EEFSEC: variants seen among roughly 807,000 people sequenced by gnomAD.
The protein encoded by EEFSEC is selenocysteine-specific elongation factor.
A neutral mutation model predicts 42.1 loss-of-function variants in EEFSEC; 43 were observed. The observed-to-expected ratio is 1.02, with a 90% CI of 0.80 to 1.32. The LOEUF (loss-of-function observed/expected upper bound fraction) is 1.32, where lower values mean the gene tolerates loss of function less well. EEFSEC is among the 40% of genes most tolerant of loss of function. The pLI is 0.00. For missense variants in EEFSEC, 745 were observed against 803.6 expected (o/e 0.93, Z 0.88); for synonymous variants, 354 against 339.1 (o/e 1.04, Z -0.48).
chr3:128,386,480 T>TGGG lies in EEFSEC; in HGVS notation c.1601-21582_1601-21580dup, dbSNP rs373890750. Reference sequence around the variant, plus strand: ...ATATGGTATCAGCTGAGACAGGCAGTGGGGGGGGGATGCAGTGACAGGTGA... The same window carrying TGGG: ...ATATGGTATCAGCTGAGACAGGCAGTGGGGGGGGGGGGATGCAGTGACAGGTGA... On this transcript the variant is annotated intron_variant, in intron 6 of 6. Transcript: ENST00000254730. Among the ~76,000 whole-genome samples the TGGG allele has an allele frequency of 9.3e-3, 1,371 of 148,204 alleles. 28 individuals are homozygous for TGGG. Among genetic ancestry groups the TGGG allele is most frequent in the African/African-American group, 0.032 (1,281 of 39,914 alleles).
chr3:128,249,757 G>A (rs1192955212), intron 2 of EEFSEC, among the ~76,000 whole-genome samples: 1 of 152,164 alleles, frequency 6.6e-6, no homozygotes, highest in Admixed American at 6.5e-5. Context: ...TGTAACATGT[G>A]TCAGAATTTC....
At position 128,295,451 on chromosome 3, in the gene EEFSEC, C is replaced by CTT. The variant is rs201911929; in HGVS notation, c.786+30692_786+30693dup. 9.2e-4 allele frequency among the ~76,000 whole-genome samples: 59 copies of CTT among 63,996 alleles called. 15 individuals carry two copies. The highest frequency in any genetic ancestry group is 4.9e-3 in the South Asian group (7 of 1,428). 42.0% of individuals were successfully genotyped at this position (63,996 alleles called of 152,430 possible). A position where few individuals can be genotyped will look rare whatever the true frequency, so the allele number is the denominator to read the frequency against. ...AGGCATTTTTCTGTACTTCCCCCTA[C>CTT]TTTTTTTTTTTTTTTTTTTTTTTGC... On this transcript the variant is annotated intron_variant, in intron 4 of 6. Coordinates refer to ENST00000254730, the MANE Select transcript of EEFSEC (RefSeq NM_021937.5).
At chr3:128,408,911 G>A (rs771891680), downstream of EEFSEC, among the ~76,000 whole-genome samples, 1 of 152,184 alleles carries the variant, frequency 6.6e-6, no homozygotes, top group African/African-American at 2.4e-5. Context: ...GGGAAGTTGG[G>A]GAATAGCAGG....
At chr3:128,170,328 G>A (rs3931411) in intron 1 of EEFSEC, among the ~76,000 whole-genome samples, 6,667 of 152,192 alleles carry the variant, frequency 0.044, 487 homozygotes, top group African/African-American at 0.15. Flanking sequence ...TTTGGGAGGC[G>A]GAGGTGGGTG....
intron 4 of EEFSEC, among the ~76,000 whole-genome samples, chr3:128,275,482 G>A (rs746817016): frequency 1.5e-4 from 23 of 152,318 alleles, no homozygotes; most frequent in East Asian, 1.9e-4. Context: ...GTGTCATGTC[G>A]GGGACTGGAG....
chr3:128,230,226 A>G (rs181600242), intron 1 of EEFSEC, among the ~76,000 whole-genome samples: 39 of 151,774 alleles, frequency 2.6e-4, no homozygotes, highest in South Asian at 1.2e-3. Context: ...AGCTCACTGC[A>G]ACCTTGAACT....
chr3:128,227,060 A>G (rs1176811754), intron 1 of EEFSEC, among the ~76,000 whole-genome samples: 1 of 152,212 alleles, frequency 6.6e-6, no homozygotes, highest in Non-Finnish European at 1.5e-5. Context: ...TGGGGCTTGC[A>G]GGACATGGTG....
chr3:128,170,290 C>T lies in EEFSEC; in HGVS notation c.316+16467C>T, dbSNP rs190827992. Among the ~76,000 whole-genome samples the T allele has an allele frequency of 1.6e-3, 243 of 152,256 alleles. 2 individuals carry two copies. Among genetic ancestry groups the T allele is most frequent in the Non-Finnish European group, 2.6e-3 (175 of 68,012 alleles). ...TTTAAAGCTTTCTTGAGGCTGGGCACGGTGGCTCACGCCTGTAATCCCAGC... is the reference window on the plus strand; with the variant it reads ...TTTAAAGCTTTCTTGAGGCTGGGCATGGTGGCTCACGCCTGTAATCCCAGC... On this transcript the variant is annotated intron_variant, in intron 1 of 6. Transcript: ENST00000254730.
intron 5 of EEFSEC, among the ~76,000 whole-genome samples, chr3:128,350,144 T>C (rs2067365919): frequency 6.6e-6 from 1 of 152,234 alleles, no homozygotes. Flanking sequence ...CTTTGAAGTC[T>C]GAAGCGGCGC....
intron 1 of EEFSEC, among the ~76,000 whole-genome samples, chr3:128,167,299 A>G (rs1349473948): frequency 6.6e-6 from 1 of 152,204 alleles, no homozygotes; most frequent in Non-Finnish European, 1.5e-5. Flanking sequence ...CTTTGAGGGT[A>G]GGGGCCTGTT....
chr3:128,188,357 C>A (rs1185942232), intron 1 of EEFSEC, among the ~76,000 whole-genome samples: 1 of 152,140 alleles, frequency 6.6e-6, no homozygotes, highest in Non-Finnish European at 1.5e-5. Flanking sequence ...GGCAGGCAGG[C>A]AGGCTGAGGG....
At chr3:128,420,264 C>T in the EEFSEC span, among the ~76,000 whole-genome samples, 3 of 152,216 alleles carry the variant, frequency 2.0e-5, no homozygotes, top group African/African-American at 4.8e-5. Flanking sequence ...TTGATTCCCT[C>T]GGATGACGAG....
intron 4 of EEFSEC, among the ~76,000 whole-genome samples, chr3:128,282,561 G>A (rs778079027): frequency 3.3e-5 from 5 of 152,230 alleles, no homozygotes; most frequent in Admixed American, 6.5e-5. Context: ...ATGTGCACAC[G>A]CGCACATGCA....
chr3:128,230,963 C>T (rs1296705362), intron 1 of EEFSEC, among the ~76,000 whole-genome samples: 4 of 152,112 alleles, frequency 2.6e-5, no homozygotes, highest in East Asian at 1.9e-4. Flanking sequence ...GGTAGGTGGC[C>T]GGTGGAACTA....
chr3:128,297,595 A>G (rs996224334), intron 4 of EEFSEC, among the ~76,000 whole-genome samples: 14 of 152,146 alleles, frequency 9.2e-5, no homozygotes, highest in Non-Finnish European at 2.1e-4. Flanking sequence ...CACATGTCCC[A>G]GAGCTTCCTG....
intron 4 of EEFSEC, among the ~76,000 whole-genome samples, chr3:128,267,344 G>A (rs1356909011): frequency 6.6e-6 from 1 of 152,192 alleles, no homozygotes; most frequent in Non-Finnish European, 1.5e-5. Context: ...CACATGGCAG[G>A]TGCTTGGCAG....
chr3:128,292,886 T>C (rs2066659453), intron 4 of EEFSEC, among the ~76,000 whole-genome samples: 4 of 152,154 alleles, frequency 2.6e-5, no homozygotes, highest in Admixed American at 6.5e-5. Flanking sequence ...AAAGCTGAGA[T>C]CCTTAATTAT....
intron 6 of EEFSEC, among the ~76,000 whole-genome samples, chr3:128,368,392 G>A (rs564144208): frequency 1.4e-4 from 21 of 150,710 alleles, no homozygotes; most frequent in African/African-American, 4.9e-4. Flanking sequence ...AGGAGATTGC[G>A]CCACTGCACT....
At chr3:128,164,183 CCACT>C (rs1211463436) in intron 1 of EEFSEC, among the ~76,000 whole-genome samples, 1 of 151,770 alleles carries the variant, frequency 6.6e-6, no homozygotes, top group Admixed American at 6.6e-5. Context: ...GTGTTTTTCT[CCACT>C]CACTCAGAGA....
Sources: allele counts gnomAD v4.1 joint callset (sites outside exome capture counted in the v4.1 genomes callset), GRCh38; gene constraint gnomAD v4.1.1; transcripts MANE v1.5; gene names NCBI Gene and HGNC (gene_info 2026-07-23, HGNC 2026-07-21).